Variants in MBNL2 observed in about 807,000 individuals in gnomAD.
The protein encoded by MBNL2 is muscleblind like splicing regulator 2, also known as muscleblind-like protein 2.
A neutral mutation model predicts 41.9 loss-of-function variants in MBNL2; 17 were observed. The ratio of observed to expected loss-of-function variants is 0.41; its 90% CI spans 0.28 to 0.61. The LOEUF (loss-of-function observed/expected upper bound fraction) is 0.61. MBNL2 is among the 20% of genes least tolerant of loss of function. The pLI is 0.35. For synonymous variants in MBNL2, 195 were observed against 182.9 expected (o/e 1.07, Z -0.53); for missense variants, 336 against 505.6 (o/e 0.66, Z 3.22).
chr13:97,381,335 C>A (rs1174475630), intron 8 of MBNL2, among the ~76,000 whole-genome samples: 1 of 152,038 alleles, frequency 6.6e-6, no homozygotes, highest in Non-Finnish European at 1.5e-5. Context: ...GCTTTTCTCC[C>A]TTTGATGCCT....
the MBNL2 span, among the ~76,000 whole-genome samples, chr13:97,202,366 T>A: frequency 3.9e-5 from 6 of 152,204 alleles, no homozygotes; most frequent in Admixed American, 3.9e-4. Context: ...TAGGCTCTGG[T>A]GTCAGATGGG....
chr13:97,373,017 G>A lies in MBNL2; in HGVS notation c.1048+7846G>A, dbSNP rs149224393. ...AAAATCTTGGTTCAGCAAGGCCCCA[G>A]TGTGGGAGGAGTAGGATCCTGTCCT... is the stretch of plus-strand genomic sequence containing the variant. On this transcript the variant is annotated intron_variant, in intron 8 of 8. Transcript: ENST00000679496. 3.3e-5 allele frequency among the ~76,000 whole-genome samples: 5 copies of A among 152,336 alleles called. No homozygotes were observed. In the East Asian group the frequency reaches 5.8e-4, roughly 18 times the overall value.
intron 1 of MBNL2, among the ~76,000 whole-genome samples, chr13:97,267,788 C>T (rs947007094): frequency 3.3e-5 from 5 of 152,270 alleles, no homozygotes; most frequent in South Asian, 2.1e-4. Flanking sequence ...CAGAAACAGC[C>T]GCTGGGGGCA....
intron 8 of MBNL2, among the ~76,000 whole-genome samples, chr13:97,373,626 T>TATATA (rs2064630077): frequency 2.8e-5 from 3 of 107,634 alleles, no homozygotes; most frequent in African/African-American, 1.2e-4. Context: ...ATATATATAT[T>TATATA]AAGGGTAGGA....
intron 2 of MBNL2, among the ~76,000 whole-genome samples, chr13:97,327,010 C>T (rs1222876500): frequency 6.6e-6 from 1 of 152,192 alleles, no homozygotes; most frequent in African/African-American, 2.4e-5. Flanking sequence ...GCCTTTATTG[C>T]TTCCCCACTT....
At chr13:97,381,355 A>G (rs1049099617) in intron 8 of MBNL2, among the ~76,000 whole-genome samples, 6 of 152,124 alleles carry the variant, frequency 3.9e-5, no homozygotes, top group African/African-American at 1.2e-4. Flanking sequence ...TTGAAAGCCA[A>G]TTCTTAGCAG....
chr13:97,361,080 A>T (rs935968711), intron 7 of MBNL2, among the ~76,000 whole-genome samples: 5 of 152,222 alleles, frequency 3.3e-5, no homozygotes, highest in African/African-American at 1.2e-4. Context: ...AGTAATGAGA[A>T]TACAAAAGAG....
chr13:97,380,194 C>G (rs1173030249), intron 8 of MBNL2, among the ~76,000 whole-genome samples: 3 of 152,088 alleles, frequency 2.0e-5, no homozygotes, highest in Admixed American at 2.0e-4. Context: ...AACAAATGTA[C>G]GCTAAGAACC....
At chr13:97,197,398 A>T in the MBNL2 span, among the ~76,000 whole-genome samples, 1 of 152,154 alleles carries the variant, frequency 6.6e-6, no homozygotes, top group Non-Finnish European at 1.5e-5. Flanking sequence ...GTTCCTAGTT[A>T]TTGAGTTTCT....
At chr13:97,235,002 C>G (rs2043007805) in intron 1 of MBNL2, among the ~76,000 whole-genome samples, 1 of 152,152 alleles carries the variant, frequency 6.6e-6, no homozygotes, top group Non-Finnish European at 1.5e-5. Context: ...GAAGGAGAAA[C>G]CAGGAAGGAT....
intron 8 of MBNL2, among the ~76,000 whole-genome samples, chr13:97,370,931 AGT>A (rs1172268800): frequency 1.3e-5 from 2 of 152,222 alleles, no homozygotes; most frequent in Non-Finnish European, 2.9e-5. Flanking sequence ...CATGTAAATT[AGT>A]CAATCTGAGT....
At chr13:97,373,796 A>C (rs1391048260) in intron 8 of MBNL2, among the ~76,000 whole-genome samples, 1 of 152,078 alleles carries the variant, frequency 6.6e-6, no homozygotes, top group Non-Finnish European at 1.5e-5. Context: ...CCTACCCTGA[A>C]GTTTAATTAA....
chr13:97,312,315 A>T (rs2058684498), intron 2 of MBNL2, among the ~76,000 whole-genome samples: 1 of 152,220 alleles, frequency 6.6e-6, no homozygotes, highest in Admixed American at 6.5e-5. Context: ...CTCATGATTA[A>T]AACAGAGAAG....
intron 7 of MBNL2, among the ~76,000 whole-genome samples, chr13:97,360,737 G>A (rs527451158): frequency 7.2e-5 from 11 of 152,336 alleles, no homozygotes; most frequent in Middle Eastern, 3.4e-3. Context: ...AAATATTTGT[G>A]CAACTGAAGC....
chr13:97,365,386 A>G (rs537813041), intron 8 of MBNL2, among the ~76,000 whole-genome samples: 32 of 152,334 alleles, frequency 2.1e-4, no homozygotes, highest in African/African-American at 7.2e-4. Flanking sequence ...CAATCACTAC[A>G]AAAACATAAA....
In MBNL2 at chr13:97,294,026, T is replaced by C. The variant is rs184709365; in HGVS notation, c.174+17617T>C. 1.2e-3 allele frequency among the ~76,000 whole-genome samples: 182 copies of C among 152,302 alleles called. 1 individual carries two copies. The highest frequency in any genetic ancestry group is 4.2e-3 in the African/African-American group (174 of 41,582). On this transcript the variant is annotated intron_variant, in intron 2 of 8. Coordinates refer to ENST00000679496, the MANE Select transcript of MBNL2 (RefSeq NM_001382683.1). Reference sequence around the variant, plus strand: ...ATGAATGTACCACTCCTGCTTTTTTTTTCTTCATGCTTTCCTGATATATCT... The same window carrying C: ...ATGAATGTACCACTCCTGCTTTTTTCTTCTTCATGCTTTCCTGATATATCT...
the MBNL2 span, among the ~76,000 whole-genome samples, chr13:97,154,449 G>T: frequency 8.7e-4 from 132 of 152,100 alleles, no homozygotes; most frequent in African/African-American, 3.0e-3. Flanking sequence ...CGAGTAGCTG[G>T]GACTACAGGC....
intron 3 of MBNL2, among the ~76,000 whole-genome samples, chr13:97,340,021 ATCCATT>A (rs781091896): frequency 7.2e-5 from 11 of 152,200 alleles, no homozygotes; most frequent in Non-Finnish European, 1.3e-4. Flanking sequence ...ACCTTGGGTT[ATCCATT>A]TAGTGGCTCT....
chr13:97,187,439 G>A, the MBNL2 span, among the ~76,000 whole-genome samples: 1 of 151,420 alleles, frequency 6.6e-6, no homozygotes, highest in Non-Finnish European at 1.5e-5. Context: ...GAAGCTAAAA[G>A]GTTCAAAAAT....
Sources: gnomAD v4.1 joint callset for allele counts (sites outside exome capture counted in the v4.1 genomes callset) on GRCh38, gnomAD v4.1.1 for gene constraint, MANE v1.5 for transcripts, NCBI Gene and HGNC (gene_info 2026-07-23, HGNC 2026-07-21) for gene names.